EML6: variants seen among roughly 807,000 people sequenced by gnomAD.
The protein encoded by EML6 is EMAP like 6.
EML6 carries 154 observed loss-of-function variants against 240.1 expected under a neutral mutation model. That is an observed-to-expected ratio of 0.64 (90% CI 0.56 to 0.73). The LOEUF (loss-of-function observed/expected upper bound fraction) is 0.73, where lower values mean the gene tolerates loss of function less well. Ranked by LOEUF, EML6 falls within the 30% of genes least tolerant of loss-of-function variation. The pLI, the probability that EML6 is intolerant of heterozygous loss-of-function variation, is 0.00. For synonymous variants in EML6, 1,148 were observed against 899.0 expected, an observed-to-expected ratio of 1.28 and a Z score of -4.95; for missense variants, 2,964 against 2,474.6, an observed-to-expected ratio of 1.20 and a Z score of -4.20.
At position 54,950,771 on chromosome 2, in the gene EML6, T is replaced by A. The variant is rs1675934516; in HGVS notation, c.4205T>A (p.Leu1402His). ...GCAGCGGCTGGCATCGTTCAGAACC[T>A]CTCCACAGGTAACCGGGGGTTAAAA... ...HTAAAGIVQN[L>H]STGSQSFYLE... Residue 1402 changes from leucine (L) to histidine (H), a missense_variant, in exon 30 of 42, where the codon CTC becomes CAC. Transcript: ENST00000356458. 6.5e-7 allele frequency: 1 copy of A among 1,550,130 alleles called. No individual in the cohort carries two copies. Among genetic ancestry groups the A allele is most frequent in the Non-Finnish European group, 8.7e-7 (1 of 1,146,570 alleles).
At chr2:54,742,271 C>T (rs371378292) in intron 2 of EML6, among the ~76,000 whole-genome samples, 21 of 152,250 alleles carry the variant, frequency 1.4e-4, no homozygotes, top group African/African-American at 4.6e-4. Context: ...TCTGTTTCCC[C>T]GACTTTCCTA....
intron 7 of EML6, among the ~76,000 whole-genome samples, chr2:54,843,718 C>T (rs1669587802): frequency 6.6e-6 from 1 of 151,840 alleles, no homozygotes; most frequent in Admixed American, 6.6e-5. Flanking sequence ...TGGTGGGCAT[C>T]TGTAGTCCCA....
At position 54,957,941 on chromosome 2, in the gene EML6, C is replaced by T. The variant is rs1558725989; in HGVS notation, c.4638C>T (p.Val1546=). The change falls in exon 33 of 42, where the codon GTC becomes GTT. Residue 1546 remains valine, a synonymous_variant. Transcript: ENST00000356458. The part of the protein sequence containing the change: ...AGSALLYKKG[V]IGSLGAAKMQ... ...GCGCCTTGCTTTACAAGAAAGGGGTCATCGGGTCCCTGGGAGCTGCCAAAA... is the reference window on the plus strand; with the variant it reads ...GCGCCTTGCTTTACAAGAAAGGGGTTATCGGGTCCCTGGGAGCTGCCAAAA... 4 of 1,551,654 alleles carry T rather than the reference C, an allele frequency of 2.6e-6. No homozygotes were observed. Among genetic ancestry groups the T allele is most frequent in the Non-Finnish European group, 3.5e-6 (4 of 1,146,980 alleles).
At chr2:54,777,885 A>T (rs1054932251) in intron 2 of EML6, among the ~76,000 whole-genome samples, 4 of 152,250 alleles carry the variant, frequency 2.6e-5, no homozygotes, top group African/African-American at 9.6e-5. Flanking sequence ...ACATCAAAAT[A>T]GACTTCTGAA....
At chr2:54,777,803 TA>T (rs1411411429) in intron 2 of EML6, among the ~76,000 whole-genome samples, 1 of 152,206 alleles carries the variant, frequency 6.6e-6, no homozygotes, top group Non-Finnish European at 1.5e-5. Context: ...TTTTCTTTGG[TA>T]AAGAAACTAT....
chr2:54,833,684 G>A (rs1301726498), intron 7 of EML6, among the ~76,000 whole-genome samples: 4 of 152,128 alleles, frequency 2.6e-5, no homozygotes, highest in African/African-American at 9.7e-5. Flanking sequence ...CAGTGAAAGG[G>A]AATTGTAGAG....
chr2:54,792,309 T>G lies in EML6; in HGVS notation c.198-20923T>G, dbSNP rs183193156. The stretch of plus-strand genomic sequence containing the variant: ...GCCCCCTGGGCTTCCCCTATATTAT[T>G]GGTGGCAGTTTCTCTTTTTAGTAAG... On this transcript the variant is annotated intron_variant, in intron 2 of 41. Coordinates refer to ENST00000356458, the MANE Select transcript of EML6 (RefSeq NM_001039753.4). Among the ~76,000 whole-genome samples, 38 of 152,346 alleles carry G rather than the reference T, an allele frequency of 2.5e-4. 1 individual carries two copies. In the East Asian group the frequency reaches 7.3e-3, roughly 29 times the overall value.
At chr2:54,791,391 G>A (rs924473352) in intron 2 of EML6, among the ~76,000 whole-genome samples, 8 of 152,116 alleles carry the variant, frequency 5.3e-5, no homozygotes, top group African/African-American at 1.9e-4. Context: ...GAATGAGTCC[G>A]AATTTCTCAC....
rs1004691322 is a variant in EML6 at position 54,847,756 on chromosome 2, C to A, written c.1187+133C>A. ...TTCAAATAGGAATACTATAGATCTA[C>A]GATCCCCTATCTGTAATTCTGAAGT... On this transcript the variant is annotated intron_variant, in intron 9 of 41. Coordinates refer to ENST00000356458, the MANE Select transcript of EML6 (RefSeq NM_001039753.4). The A allele has an allele frequency of 3.1e-5, 24 of 786,574 alleles. 1 individual carries two copies. The highest frequency in any genetic ancestry group is 1.5e-4 in the East Asian group (3 of 19,628). The allele number at this position is 786,574 out of a possible 1,614,324, so 48.7% of individuals were successfully genotyped here. A position where few individuals can be genotyped will look rare whatever the true frequency, so the allele number is the denominator to read the frequency against.
chr2:54,918,006 C>T (rs1314607494), intron 26 of EML6, among the ~76,000 whole-genome samples: 1 of 152,212 alleles, frequency 6.6e-6, no homozygotes, highest in Non-Finnish European at 1.5e-5. Flanking sequence ...GGCATTGGCC[C>T]TTTTGGCTGC....
rs965480730 is a variant in EML6, at chr2:54,971,465, G to C, written c.*1370G>C. The C allele has an allele frequency of 6.6e-6, 1 of 152,156 alleles. No homozygotes were observed. The highest frequency in any genetic ancestry group is 2.4e-5 in the African/African-American group (1 of 41,422). 9.4% of individuals were successfully genotyped at this position (152,156 alleles called of 1,614,324 possible). On this transcript the variant is annotated 3_prime_UTR_variant, in exon 42 of 42. Transcript: ENST00000356458. Reference sequence around the variant, plus strand: ...GAAAATTCTAGACCTACAGTTACTGGCTACTTGCATTTGTCAGTTTAGAGA... The same window carrying C: ...GAAAATTCTAGACCTACAGTTACTGCCTACTTGCATTTGTCAGTTTAGAGA...
intron 5 of EML6, among the ~76,000 whole-genome samples, chr2:54,824,606 C>T (rs557437196): frequency 1.3e-5 from 2 of 152,136 alleles, no homozygotes; most frequent in Non-Finnish European, 2.9e-5. Context: ...TTTGTAAATC[C>T]CCTATGTTTT....
At chr2:54,882,871 A>AAAAAAAAAGAAAAAG (rs962733331) in intron 17 of EML6, 1 of 128,790 alleles carries the variant, frequency 7.8e-6, no homozygotes, top group Non-Finnish European at 1.6e-5. Flanking sequence ...AAAAAAAAAA[A>AAAAAAAAAGAAAAAG]AAAGAAAGCT....
At chr2:54,909,850 C>CAAAAAAA (rs34171697) in intron 24 of EML6, among the ~76,000 whole-genome samples, 2 of 68,528 alleles carry the variant, frequency 2.9e-5, no homozygotes, top group Non-Finnish European at 3.0e-5. Flanking sequence ...GACTCCATCT[C>CAAAAAAA]AAAAAAAAAA....
chr2:54,875,888 T>C (rs912947070), intron 16 of EML6, among the ~76,000 whole-genome samples: 1 of 152,218 alleles, frequency 6.6e-6, no homozygotes, highest in Non-Finnish European at 1.5e-5. Context: ...ATATAATTTT[T>C]TTAAAAGCTT....
chr2:54,964,776 C>T (rs1219115033), intron 38 of EML6, 43 bp downstream of exon 38: 11 of 1,536,056 alleles, frequency 7.2e-6, no homozygotes, highest in Admixed American at 2.0e-5. Flanking sequence ...CCAATAATAA[C>T]AGCAGTAATA....
At chr2:54,896,713 A>C (rs1056352180) in intron 21 of EML6, among the ~76,000 whole-genome samples, 1 of 152,190 alleles carries the variant, frequency 6.6e-6, no homozygotes, top group African/African-American at 2.4e-5. Flanking sequence ...TGATGCCTGC[A>C]GGCTTGCTGT....
At chr2:54,815,447 C>T (rs889211142) in intron 3 of EML6, among the ~76,000 whole-genome samples, 1 of 152,188 alleles carries the variant, frequency 6.6e-6, no homozygotes, top group African/African-American at 2.4e-5. Flanking sequence ...TTTCAGGTAG[C>T]TATGGGAACT....
At chr2:54,921,600 C>T (rs957526345) in intron 26 of EML6, among the ~76,000 whole-genome samples, 2 of 151,652 alleles carry the variant, frequency 1.3e-5, no homozygotes, top group African/African-American at 4.8e-5. Flanking sequence ...TGTATGTAAC[C>T]ACAAAAAACC....
Sources: allele counts gnomAD v4.1 joint callset (sites outside exome capture counted in the v4.1 genomes callset), GRCh38; gene constraint gnomAD v4.1.1; transcripts MANE v1.5; gene names NCBI Gene and HGNC (gene_info 2026-07-23, HGNC 2026-07-21).